CSTPP1: variants seen among roughly 807,000 people sequenced by gnomAD.
CSTPP1 encodes the protein centriolar satellite-associated tubulin polyglutamylase complex regulator 1.
chr11:47,017,803 G>A, the CSTPP1 span, among the ~76,000 whole-genome samples: 1 of 151,968 alleles, frequency 6.6e-6, no homozygotes, highest in Admixed American at 6.6e-5. Context: ...AAGTAGCTGG[G>A]ATTATAAGCA....
At chr11:47,079,805 G>T in the CSTPP1 span, among the ~76,000 whole-genome samples, 1 of 152,122 alleles carries the variant, frequency 6.6e-6, no homozygotes, top group African/African-American at 2.4e-5. Context: ...TCAGAAGGAA[G>T]AAATACGGCC....
the CSTPP1 span, among the ~76,000 whole-genome samples, chr11:47,002,252 CCT>C: frequency 6.6e-6 from 1 of 152,166 alleles, no homozygotes; most frequent in Admixed American, 6.5e-5. Context: ...AGGCCAGGCA[CCT>C]CTGTTAGACC....
the CSTPP1 span, among the ~76,000 whole-genome samples, chr11:47,012,782 T>C: frequency 6.6e-6 from 1 of 151,976 alleles, no homozygotes; most frequent in African/African-American, 2.4e-5. Context: ...TCCCTGATTT[T>C]ACAGGAGCCA....
chr11:47,128,435 G>A, the CSTPP1 span, among the ~76,000 whole-genome samples: 9 of 152,150 alleles, frequency 5.9e-5, no homozygotes, highest in South Asian at 2.1e-4. Context: ...AGGCTGGGGC[G>A]CAGTGGTGCA....
At chr11:47,054,917 A>G in the CSTPP1 span, among the ~76,000 whole-genome samples, 1 of 150,012 alleles carries the variant, frequency 6.7e-6, no homozygotes, top group Non-Finnish European at 1.5e-5. Context: ...ATAGCCACAG[A>G]ATAAATTTCA....
the CSTPP1 span, among the ~76,000 whole-genome samples, chr11:47,107,100 G>A: frequency 6.6e-6 from 1 of 152,242 alleles, no homozygotes; most frequent in Non-Finnish European, 1.5e-5. Flanking sequence ...GAGCTGTGTA[G>A]TGGAGCAGCG....
At chr11:47,123,496 A>G in the CSTPP1 span, among the ~76,000 whole-genome samples, 9 of 152,242 alleles carry the variant, frequency 5.9e-5, no homozygotes, top group Non-Finnish European at 1.2e-4. Flanking sequence ...TTTCACAAGC[A>G]TTATCTCATG....
chr11:46,948,114 G>C, the CSTPP1 span: 3 of 456,266 alleles, frequency 6.6e-6, no homozygotes, highest in South Asian at 4.6e-5. Context: ...GAGGCTGCCA[G>C]AACCGGTCGG....
chr11:46,936,921 CG>C, the CSTPP1 span: 1 of 187,478 alleles, frequency 5.3e-6, no homozygotes, highest in Non-Finnish European at 8.0e-6. Flanking sequence ...TGGGAGGAGG[CG>C]GGGGCGGGGT....
At chr11:47,158,736 T>C in the CSTPP1 span, among the ~76,000 whole-genome samples, 2 of 152,162 alleles carry the variant, frequency 1.3e-5, no homozygotes, top group African/African-American at 2.4e-5. Flanking sequence ...GGTTTCACCA[T>C]GTTGCCCAGG....
chr11:46,995,145 C>T, the CSTPP1 span, among the ~76,000 whole-genome samples: 5 of 152,000 alleles, frequency 3.3e-5, no homozygotes, highest in South Asian at 4.2e-4. Flanking sequence ...TTTTTTATTG[C>T]GTCTATTTGA....
the CSTPP1 span, among the ~76,000 whole-genome samples, chr11:47,037,838 T>TC: frequency 7.9e-6 from 1 of 126,906 alleles, no homozygotes; most frequent in South Asian, 2.5e-4. Flanking sequence ...TCCCCACCCT[T>TC]CCCCCCTTTC....
At chr11:47,108,356 G>C in the CSTPP1 span, among the ~76,000 whole-genome samples, 1 of 152,152 alleles carries the variant, frequency 6.6e-6, no homozygotes, top group Non-Finnish European at 1.5e-5. Flanking sequence ...GTTTGCACGA[G>C]GGCTATCTGC....
chr11:46,948,968 AATACAGGCTACC>A, the CSTPP1 span, among the ~76,000 whole-genome samples: 1 of 152,082 alleles, frequency 6.6e-6, no homozygotes, highest in African/African-American at 2.4e-5. Flanking sequence ...TAGTGGATAA[AATACAGGCTACC>A]ATGTGAGTAA....
At chr11:47,067,569 G>C in the CSTPP1 span, among the ~76,000 whole-genome samples, 1 of 152,166 alleles carries the variant, frequency 6.6e-6, no homozygotes, top group Non-Finnish European at 1.5e-5. Context: ...ACCGGAACTG[G>C]TGTCCCTGTA....
At chr11:47,118,061 G>A in the CSTPP1 span, among the ~76,000 whole-genome samples, 1 of 151,804 alleles carries the variant, frequency 6.6e-6, no homozygotes, top group South Asian at 2.1e-4. Flanking sequence ...TGTATTTTTA[G>A]TAGAGACGGG....
At chr11:47,076,940 G>A in the CSTPP1 span, among the ~76,000 whole-genome samples, 133 of 141,204 alleles carry the variant, frequency 9.4e-4, no homozygotes, top group Non-Finnish European at 1.7e-3. Flanking sequence ...ACCCAGCAAA[G>A]GCAAAGAAGT....
the CSTPP1 span, among the ~76,000 whole-genome samples, chr11:47,083,425 C>CT: frequency 6.6e-6 from 1 of 152,120 alleles, no homozygotes; most frequent in East Asian, 1.9e-4. Flanking sequence ...TGTATACACA[C>CT]TTTTTTGTGA....
chr11:47,138,009 A>C, the CSTPP1 span: 2 of 509,794 alleles, frequency 3.9e-6, no homozygotes, highest in African/African-American at 1.9e-5. Context: ...CCCCTCCAAT[A>C]CCCCCACACA....
Sources: gnomAD v4.1 joint callset for allele counts (sites outside exome capture counted in the v4.1 genomes callset) on GRCh38, gnomAD v4.1.1 for gene constraint, MANE v1.5 for transcripts, NCBI Gene and HGNC (gene_info 2026-07-23, HGNC 2026-07-21) for gene names.